RBM26: variants seen among roughly 807,000 people sequenced by gnomAD.
The protein encoded by RBM26 is RNA binding motif protein 26.
Under a neutral mutation model 123.6 loss-of-function variants are expected in RBM26, and 30 were observed. The observed-to-expected ratio is 0.24, with a 90% CI of 0.18 to 0.33. RBM26 has a LOEUF of 0.33. RBM26 is among the 10% of genes least tolerant of loss of function. The pLI is 1.00. For synonymous variants in RBM26, 400 were observed against 404.4 expected (o/e 0.99, Z 0.13); for missense variants, 947 against 1,203.6 (o/e 0.79, Z 3.15).
chr13:79,395,582 A>G (rs2078488615), intron 1 of RBM26, among the ~76,000 whole-genome samples: 2 of 152,082 alleles, frequency 1.3e-5, no homozygotes, highest in Admixed American at 1.3e-4. Context: ...TCTACAAAAA[A>G]AAATAAAAAT....
At position 79,335,986 on chromosome 13, in the gene RBM26, C is replaced by G. The variant is rs1014137771; in HGVS notation, c.2733+1116G>C. ...CCCTTTAAATCCACCAAGAACAGGA[C>G]TTTAGACTCCTCATTCTTAAATACT... is the stretch of plus-strand genomic sequence containing the variant. On this transcript the variant is annotated intron_variant, in intron 19 of 21. Coordinates refer to ENST00000438737, the MANE Select transcript of RBM26 (RefSeq NM_001366735.2). Among the ~76,000 whole-genome samples, 9 of 152,184 alleles carry G rather than the reference C, an allele frequency of 5.9e-5. No homozygotes were observed. The East Asian group carries it at 1.7e-3, about 29-fold the overall frequency.
In RBM26 at chr13:79,368,686, G is replaced by A. The variant is rs368964067; in HGVS notation, c.895+44C>T. 5.3e-5 allele frequency: 83 copies of A among 1,563,520 alleles called. No individual in the cohort carries two copies. The South Asian group carries it at 8.3e-4, about 16-fold the overall frequency. On this transcript the variant is annotated intron_variant, in intron 6 of 21. Coordinates refer to ENST00000438737, the MANE Select transcript of RBM26 (RefSeq NM_001366735.2). ...ACATAAACACAGAATTTAGGCAGCT[G>A]GAAATATTAATTAAATACTTTATCA...
At chr13:79,338,111 C>T (rs1237065505) in intron 18 of RBM26, among the ~76,000 whole-genome samples, 2 of 152,116 alleles carry the variant, frequency 1.3e-5, no homozygotes, top group African/African-American at 4.8e-5. Flanking sequence ...ACTCGGGAGG[C>T]TGAGGCAGGA....
intron 20 of RBM26, among the ~76,000 whole-genome samples, chr13:79,325,855 T>C (rs573306009): frequency 6.6e-6 from 1 of 152,338 alleles, no homozygotes; most frequent in East Asian, 1.9e-4. Context: ...CCATTCATGG[T>C]AGGTACCCCA....
chr13:79,376,843 T>C (rs540091269), intron 3 of RBM26: 4 of 152,756 alleles, frequency 2.6e-5, no homozygotes, highest in African/African-American at 7.2e-5. Context: ...GGCTGGCTCC[T>C]GGGCACTTTG....
intron 6 of RBM26, 68 bp downstream of exon 6, chr13:79,368,662 C>T: frequency 1.4e-6 from 2 of 1,475,736 alleles, no homozygotes; most frequent in Non-Finnish European, 1.9e-6. Context: ...CTATGTACAA[C>T]ATAAACACAG....
chr13:79,332,253 G>A (rs971974206), intron 20 of RBM26, among the ~76,000 whole-genome samples: 12 of 152,124 alleles, frequency 7.9e-5, no homozygotes, highest in Non-Finnish European at 1.5e-4. Context: ...TACATTTTCA[G>A]TGTTAAAATT....
At chr13:79,351,778 A>C (rs1434869652) in intron 14 of RBM26, among the ~76,000 whole-genome samples, 1 of 152,224 alleles carries the variant, frequency 6.6e-6, no homozygotes, top group Non-Finnish European at 1.5e-5. Context: ...AATCAAGGAA[A>C]GTAATTTAGC....
chr13:79,371,273 C>T (rs2075847120), intron 4 of RBM26, 111 bp from the exon 5 acceptor site: 1 of 842,164 alleles, frequency 1.2e-6, no homozygotes, highest in South Asian at 1.8e-5. Flanking sequence ...TTCTATCCTA[C>T]CATCAGACAA....
At chr13:79,313,931 G>A (rs2066976065), downstream of RBM26, 1 of 150,436 alleles carries the variant, frequency 6.6e-6, no homozygotes, top group East Asian at 1.9e-4. Context: ...AAACAAGGGT[G>A]AATAAAAATC....
At chr13:79,329,888 C>G (rs184549479) in intron 20 of RBM26, among the ~76,000 whole-genome samples, 1 of 151,990 alleles carries the variant, frequency 6.6e-6, no homozygotes, top group East Asian at 1.9e-4. Context: ...AGCCAACCTA[C>G]GTTAAAACCT....
chr13:79,338,494 G>A (rs1041640366), intron 18 of RBM26, among the ~76,000 whole-genome samples: 4 of 152,096 alleles, frequency 2.6e-5, no homozygotes, highest in African/African-American at 9.7e-5. Context: ...AGGCACCAAC[G>A]CTGAAAGAAA....
At chr13:79,400,492 C>A (rs2078971472) in intron 1 of RBM26, among the ~76,000 whole-genome samples, 1 of 152,154 alleles carries the variant, frequency 6.6e-6, no homozygotes, top group Admixed American at 6.5e-5. Context: ...CCCTCGTGAC[C>A]TAATCACCTC....
chr13:79,314,927 C>T, downstream of RBM26: 1 of 1,214,472 alleles, frequency 8.2e-7, no homozygotes, highest in Non-Finnish European at 1.1e-6. Context: ...ACAGTCGTCT[C>T]CAGACAGGAA....
chr13:79,362,440 A>G (rs2074807513), intron 9 of RBM26, among the ~76,000 whole-genome samples: 1 of 152,102 alleles, frequency 6.6e-6, no homozygotes, highest in African/African-American at 2.4e-5. Context: ...CTCCCTCTAC[A>G]TTACTTACTT....
intron 14 of RBM26, among the ~76,000 whole-genome samples, chr13:79,346,829 A>G (rs1215095157): frequency 3.3e-5 from 5 of 152,214 alleles, no homozygotes; most frequent in African/African-American, 1.2e-4. Context: ...GAAACACAGG[A>G]TAAACTGAAA....
chr13:79,380,171 G>A (rs1245070295), intron 1 of RBM26, among the ~76,000 whole-genome samples: 2 of 152,064 alleles, frequency 1.3e-5, no homozygotes, highest in Non-Finnish European at 2.9e-5. Context: ...CATATTGATT[G>A]TAAAATCAAA....
chr13:79,368,987 C>T lies in RBM26; in HGVS notation c.638G>A (p.Arg213Lys). The change falls in exon 6 of 22, where the codon AGG becomes AAG. Residue 213 changes from arginine to lysine, a missense_variant. This residue lies in a region of RBM26 where 275 missense variants were observed against 361.0 expected (regional missense o/e 0.76). Coordinates refer to ENST00000438737, the MANE Select transcript of RBM26 (RefSeq NM_001366735.2). The part of the protein sequence containing the change: ...RSRSRTRSRE[R>K]DLVKPKYDLD... The stretch of plus-strand genomic sequence containing the variant: ...GTCATATTTAGGTTTTACCAGATCC[C>T]TTTCTGCAACGAAAGATAAATGACA... The T allele has an allele frequency of 3.1e-6, 5 of 1,593,564 alleles. No individual in the cohort carries two copies. The highest frequency in any genetic ancestry group is 4.3e-6 in the Non-Finnish European group (5 of 1,167,548).
intron 20 of RBM26, among the ~76,000 whole-genome samples, chr13:79,328,253 A>T (rs1227956186): frequency 6.6e-6 from 1 of 152,126 alleles, no homozygotes; most frequent in Non-Finnish European, 1.5e-5. Flanking sequence ...TGAGTTTAGA[A>T]AGCTAGTTTA....
Sources: allele counts gnomAD v4.1 joint callset (sites outside exome capture counted in the v4.1 genomes callset), GRCh38; gene constraint gnomAD v4.1.1; regional missense constraint gnomAD v4.1.1; transcripts MANE v1.5; gene names NCBI Gene and HGNC (gene_info 2026-07-23, HGNC 2026-07-21).